The following SPTBN1 variants were observed in gnomAD, a reference collection of about 807,000 sequenced individuals.
SPTBN1 encodes spectrin beta chain, non-erythrocytic 1.
A neutral mutation model predicts 266.4 loss-of-function variants in SPTBN1; 32 were observed. The observed-to-expected ratio is 0.12, with a 90% CI of 0.09 to 0.16. The LOEUF is 0.16. Ranked by LOEUF, SPTBN1 falls within the 10% of genes least tolerant of loss-of-function variation. The probability of loss-of-function intolerance (pLI) is 1.00; values close to 1 mark genes in which losing one functional copy is unlikely to be tolerated. For missense variants in SPTBN1, 2,296 were observed against 3,067.1 expected (o/e 0.75, Z 5.94); for synonymous variants, 1,336 against 1,162.2 (o/e 1.15, Z -3.04).
chr2:54,476,839 AAATT>A lies in SPTBN1; in HGVS notation c.-48+20323_-48+20326del, dbSNP rs558646811. On this transcript the variant is annotated intron_variant, in intron 1 of 35. Coordinates refer to ENST00000356805, the MANE Select transcript of SPTBN1 (RefSeq NM_003128.3). The stretch of plus-strand genomic sequence containing the variant: ...ATCAAATTGCAGGCAGTGTTTTTAA[AAATT>A]AGTTATTACTGGTTACATGCCTGTG... Among the ~76,000 whole-genome samples the A allele has an allele frequency of 3.3e-4, 50 of 152,344 alleles. No homozygotes were observed. The East Asian group carries it at 4.6e-3, about 14-fold the overall frequency.
intron 2 of SPTBN1, among the ~76,000 whole-genome samples, chr2:54,538,273 A>C (rs1671727023): frequency 6.6e-6 from 1 of 152,172 alleles, no homozygotes; most frequent in Non-Finnish European, 1.5e-5. Flanking sequence ...TGTCTTGTGA[A>C]TATGTGTGGT....
At chr2:54,667,536 A>G in intron 34 of SPTBN1, 68 bp from the exon 35 acceptor site, 3 of 1,452,514 alleles carry the variant, frequency 2.1e-6, no homozygotes, top group Non-Finnish European at 2.9e-6. Flanking sequence ...TGCATGGGAT[A>G]TGGGAGTTGG....
chr2:54,621,357 A>C (rs763895806), intron 7 of SPTBN1, 43 bp from the exon 8 acceptor site: 1 of 1,486,858 alleles, frequency 6.7e-7, no homozygotes, highest in South Asian at 1.1e-5. Context: ...GGTGGGGCAC[A>C]GTAGCATGCA....
intron 2 of SPTBN1, among the ~76,000 whole-genome samples, chr2:54,593,358 A>G (rs562995742): frequency 6.6e-6 from 1 of 152,008 alleles, no homozygotes; most frequent in Non-Finnish European, 1.5e-5. Context: ...CTGTCATGTC[A>G]CAGAGACAGC....
intron 1 of SPTBN1, among the ~76,000 whole-genome samples, chr2:54,485,490 G>C (rs1279073362): frequency 6.6e-6 from 1 of 152,224 alleles, no homozygotes; most frequent in Non-Finnish European, 1.5e-5. Flanking sequence ...CGTTCACTCA[G>C]TGCTCAATGG....
Position 54,623,469 on chromosome 2 carries a change from C to T in SPTBN1, c.1065-10C>T, listed in dbSNP as rs1678126688. On this transcript the variant is annotated splice_polypyrimidine_tract_variant and intron_variant, in intron 9 of 35. Transcript: ENST00000356805. ...TCCAGTACCAAATGAATGTTTTCCC[C>T]TGTGTTTAGATTTACTGAGAAGGGG... is the stretch of plus-strand genomic sequence containing the variant. The T allele has an allele frequency of 6.2e-7, 1 of 1,612,580 alleles. No homozygotes were observed. The highest frequency in any genetic ancestry group is 1.3e-5 in the African/African-American group (1 of 74,846).
rs1678571286 is a variant in SPTBN1 at position 54,629,317 on chromosome 2, A to G, written c.2183A>G (p.Asn728Ser). ...ATTTACATCCGGGAGCAGTGGGCCA[A>G]CCTAGAGCAGCTCTCGGCCATTCGG... ...RIIYIREQWANLEQLSAIRKK... is the reference protein window; with the variant it reads ...RIIYIREQWASLEQLSAIRKK... The change falls in exon 14 of 36, where the codon AAC (asparagine) becomes AGC (serine). Residue 728 changes from asparagine to serine, a missense_variant. Physicochemically the swap from Asn to Ser is conservative, Grantham distance 46 (BLOSUM62 1). This residue lies in a region of SPTBN1 where 434 missense variants were observed against 573.9 expected (regional missense o/e 0.76). Transcript: ENST00000356805. 6.2e-7 allele frequency: 1 copy of G among 1,614,068 alleles called. No individual in the cohort carries two copies. The highest frequency in any genetic ancestry group is 8.5e-7 in the Non-Finnish European group (1 of 1,180,022).
At chr2:54,578,478 C>T (rs1008239547) in intron 2 of SPTBN1, among the ~76,000 whole-genome samples, 3 of 152,118 alleles carry the variant, frequency 2.0e-5, no homozygotes, top group African/African-American at 4.8e-5. Context: ...GCTGCTGCTG[C>T]CAAGTATAAG....
At chr2:54,656,918 G>T (rs527309315) in intron 29 of SPTBN1, among the ~76,000 whole-genome samples, 13 of 152,314 alleles carry the variant, frequency 8.5e-5, no homozygotes, top group African/African-American at 2.9e-4. Context: ...CACAGTCCCT[G>T]CCTTGAAAAG....
At chr2:54,460,092 A>G (rs1294797366) in intron 1 of SPTBN1, among the ~76,000 whole-genome samples, 1 of 152,234 alleles carries the variant, frequency 6.6e-6, no homozygotes, top group African/African-American at 2.4e-5. Flanking sequence ...CAACATTAGA[A>G]TCGCCTGGAA....
At chr2:54,650,653 T>C (rs548461546) in intron 26 of SPTBN1, among the ~76,000 whole-genome samples, 1 of 152,366 alleles carries the variant, frequency 6.6e-6, no homozygotes, top group Non-Finnish European at 1.5e-5. Context: ...GTTCTTGTTG[T>C]TAAGAGTATA....
At chr2:54,519,369 G>A (rs953358092) in intron 1 of SPTBN1, among the ~76,000 whole-genome samples, 11 of 152,230 alleles carry the variant, frequency 7.2e-5, no homozygotes, top group African/African-American at 2.7e-4. Context: ...TAAGGTGTCG[G>A]AGGGAGTGCA....
chr2:54,628,402 A>C lies in SPTBN1; in HGVS notation c.1798+152A>C, dbSNP rs1413581886. The C allele has an allele frequency of 1.0e-6, 1 of 984,212 alleles. No individual in the cohort carries two copies. Among genetic ancestry groups the C allele is most frequent in the Non-Finnish European group, 1.4e-6 (1 of 711,612 alleles). The allele number at this position is 984,212 out of a possible 1,614,324, so 61.0% of individuals were successfully genotyped here. A position where few individuals can be genotyped will look rare whatever the true frequency, so the allele number is the denominator to read the frequency against. ...AATACGGTGGAGTGGCCTTCTGAAC[A>C]CTAACTCCATCTTGTTTTTCTGGAA... is the stretch of plus-strand genomic sequence containing the variant. On this transcript the variant is annotated intron_variant, in intron 13 of 35. Coordinates refer to ENST00000356805, the MANE Select transcript of SPTBN1 (RefSeq NM_003128.3). This position sits in a 1 kb window ranked among gnomAD's most constrained non-coding sequence, Gnocchi z 4.3.
At chr2:54,499,761 C>T (rs796123431) in intron 1 of SPTBN1, among the ~76,000 whole-genome samples, 23 of 152,256 alleles carry the variant, frequency 1.5e-4, no homozygotes, top group African/African-American at 4.8e-4. Context: ...GATTATGAAG[C>T]CCCTGTTATT....
chr2:54,634,743 G>A (rs1678998704), intron 17 of SPTBN1, among the ~76,000 whole-genome samples: 1 of 152,194 alleles, frequency 6.6e-6, no homozygotes. Flanking sequence ...CTCCTAGAAT[G>A]TAAAGTCATT....
At chr2:54,573,162 G>A (rs1239907236) in intron 2 of SPTBN1, among the ~76,000 whole-genome samples, 1 of 152,206 alleles carries the variant, frequency 6.6e-6, no homozygotes, top group African/African-American at 2.4e-5. Flanking sequence ...AGGAGTAGCT[G>A]TTCTGCTCCA....
intron 1 of SPTBN1, among the ~76,000 whole-genome samples, chr2:54,485,380 A>G (rs913778736): frequency 2.0e-5 from 3 of 152,138 alleles, no homozygotes; most frequent in Non-Finnish European, 4.4e-5. Context: ...TTTGGTGGAG[A>G]CAGGGTTTCA....
chr2:54,627,833 C>T (rs1678457793), intron 12 of SPTBN1, among the ~76,000 whole-genome samples: 1 of 112,016 alleles, frequency 8.9e-6, no homozygotes, highest in Non-Finnish European at 1.7e-5. Context: ...TTCTTCTATT[C>T]TGCACTTTTT....
chr2:54,460,088 T>A lies in SPTBN1; in HGVS notation c.-48+3570T>A, dbSNP rs539020804. Among the ~76,000 whole-genome samples the A allele has an allele frequency of 2.0e-3, 301 of 152,356 alleles. 2 individuals are homozygous for A. The highest frequency in any genetic ancestry group is 7.0e-3 in the African/African-American group (290 of 41,582). On this transcript the variant is annotated intron_variant, in intron 1 of 35. Transcript: ENST00000356805. ...AGTGAGGTTCACGGACCTTCAACAT[T>A]AGAATCGCCTGGAAGCTTGTTGCAA...
Sources: allele counts gnomAD v4.1 joint callset (sites outside exome capture counted in the v4.1 genomes callset), GRCh38; gene constraint gnomAD v4.1.1; regional missense constraint gnomAD v4.1.1; non-coding constraint Gnocchi (gnomAD v3.1); transcripts MANE v1.5; gene names NCBI Gene and HGNC (gene_info 2026-07-23, HGNC 2026-07-21).